Variants in ANKRD44 observed in about 807,000 individuals in gnomAD.
ANKRD44 encodes the protein ankyrin repeat domain 44, also known as serine/threonine-protein phosphatase 6 regulatory ankyrin repeat subunit B.
ANKRD44 carries 35 observed loss-of-function variants against 116.0 expected under a neutral mutation model. The observed-to-expected ratio is 0.30, with a 90% CI of 0.23 to 0.40. The LOEUF (loss-of-function observed/expected upper bound fraction) is 0.40, where lower values mean the gene tolerates loss of function less well. Among genes scored for constraint, ANKRD44 ranks in the 10% least tolerant of loss-of-function variants. ANKRD44 has a pLI of 1.00. For missense variants in ANKRD44, 1,014 were observed against 1,242.6 expected (o/e 0.82, Z 2.77); for synonymous variants, 435 against 461.8 (o/e 0.94, Z 0.74).
chr2:197,180,252 C>A (rs11901912), intron 2 of ANKRD44, among the ~76,000 whole-genome samples: 9,784 of 152,260 alleles, frequency 0.064, 1,053 homozygotes, highest in African/African-American at 0.22. Context: ...AAAACGGTGA[C>A]CTGCAGGCCG....
At chr2:197,106,865 A>C (rs1446432436) in intron 9 of ANKRD44, among the ~76,000 whole-genome samples, 1 of 149,512 alleles carries the variant, frequency 6.7e-6, no homozygotes, top group African/African-American at 2.5e-5. Context: ...CAGACTCTCT[A>C]TTTGTTATCT....
chr2:197,086,034 A>G (rs1055845861), intron 13 of ANKRD44, among the ~76,000 whole-genome samples: 1 of 152,134 alleles, frequency 6.6e-6, no homozygotes, highest in African/African-American at 2.4e-5. Flanking sequence ...TGTCACTGAC[A>G]TGAATCTGAA....
In ANKRD44 at chr2:197,013,699, T is replaced by C; in HGVS notation, c.1736A>G (p.His579Arg). 6.2e-7 allele frequency: 1 copy of C among 1,612,978 alleles called. No individual in the cohort carries two copies. Among genetic ancestry groups the C allele is most frequent in the Non-Finnish European group, 8.5e-7 (1 of 1,180,034 alleles). The change falls in exon 18 of 28, where the codon CAC becomes CGC. Residue 579 changes from histidine to arginine, a missense_variant. Coordinates refer to ENST00000282272, the MANE Select transcript of ANKRD44 (RefSeq NM_001195144.2). ...CAGAAGGACTTCCAAGGCTTGATGG[T>C]GCCCATTGTAGGCCTGCAAAGAAGA... Reference protein sequence around the residue: ...SPLHLAAYNGHHQALEVLLQS... With the variant: ...SPLHLAAYNGRHQALEVLLQS...
chr2:197,172,992 T>A lies in ANKRD44; in HGVS notation c.111+14031A>T, dbSNP rs1025045447. 7.9e-5 allele frequency among the ~76,000 whole-genome samples: 12 copies of A among 152,354 alleles called. No individual in the cohort carries two copies. The East Asian group carries it at 2.3e-3, about 29-fold the overall frequency. On this transcript the variant is annotated intron_variant, in intron 2 of 27. Transcript: ENST00000282272. ...AGGTTAAATAGATAATTTAGCTGTC[T>A]GCCCTATATGTTTTAAAATTGTTTT...
chr2:197,055,461 T>G (rs1007182623), intron 16 of ANKRD44, among the ~76,000 whole-genome samples: 5 of 152,192 alleles, frequency 3.3e-5, no homozygotes, highest in African/African-American at 1.2e-4. Context: ...TAGAGTCCAA[T>G]ATATCCAGTT....
At chr2:197,083,273 CTT>C in intron 14 of ANKRD44, 94 bp downstream of exon 14, 2 of 1,462,162 alleles carry the variant, frequency 1.4e-6, no homozygotes, top group East Asian at 2.4e-5. Flanking sequence ...TAGTCTAACT[CTT>C]TTTCCATGAG....
chr2:197,090,147 C>T, intron 10 of ANKRD44, 115 bp from the exon 11 acceptor site: 1 of 725,226 alleles, frequency 1.4e-6, no homozygotes, highest in East Asian at 2.7e-5. Context: ...TGTAGGGAGT[C>T]TTGGCTGAAA....
intron 2 of ANKRD44, among the ~76,000 whole-genome samples, chr2:197,152,480 A>G (rs1489247431): frequency 1.3e-5 from 2 of 152,236 alleles, no homozygotes; most frequent in Non-Finnish European, 2.9e-5. Context: ...AGGTTCCTCC[A>G]GAAGGAAGGA....
intron 1 of ANKRD44, among the ~76,000 whole-genome samples, chr2:197,224,351 T>C (rs2081652579): frequency 6.6e-6 from 1 of 152,214 alleles, no homozygotes; most frequent in Middle Eastern, 3.2e-3. Flanking sequence ...ATTTTAATGA[T>C]ACAGCATTTA....
chr2:197,058,403 T>C (rs2077244968), intron 16 of ANKRD44, among the ~76,000 whole-genome samples: 1 of 151,624 alleles, frequency 6.6e-6, no homozygotes. Flanking sequence ...GAATCTTTTT[T>C]TTTTTTTTTT....
chr2:197,241,762 T>C (rs902030375), intron 1 of ANKRD44, among the ~76,000 whole-genome samples: 14 of 152,104 alleles, frequency 9.2e-5, no homozygotes, highest in Non-Finnish European at 1.0e-4. Flanking sequence ...CAGGTTTTGA[T>C]AGTAACATGA....
At chr2:197,158,488 G>A (rs1211153496) in intron 2 of ANKRD44, among the ~76,000 whole-genome samples, 2 of 152,108 alleles carry the variant, frequency 1.3e-5, no homozygotes, top group Non-Finnish European at 2.9e-5. Flanking sequence ...ATAGATTAAT[G>A]AGAGGCAGAT....
chr2:197,290,420 C>T (rs191520271), intron 1 of ANKRD44, among the ~76,000 whole-genome samples: 35 of 152,178 alleles, frequency 2.3e-4, no homozygotes, highest in Middle Eastern at 3.4e-3. Flanking sequence ...TGTCTATTCA[C>T]TTCTTGATGG....
intron 2 of ANKRD44, among the ~76,000 whole-genome samples, chr2:197,163,600 G>T (rs2080023228): frequency 6.6e-6 from 1 of 152,230 alleles, no homozygotes; most frequent in South Asian, 2.1e-4. Flanking sequence ...ATGGAAAGTG[G>T]AAGAAGTGGG....
chr2:197,259,670 G>GTGC (rs1383775266), intron 1 of ANKRD44, among the ~76,000 whole-genome samples: 2 of 152,140 alleles, frequency 1.3e-5, no homozygotes, highest in Admixed American at 1.3e-4. Flanking sequence ...AGACTCCAAC[G>GTGC]TGCCAGGTGC....
At position 196,988,980 on chromosome 2, in the gene ANKRD44, A is replaced by G; in HGVS notation, c.*611T>C. Reference sequence around the variant, plus strand: ...CAGACTGCAATGTCTTCTAAGCTCTAAGCTGGCTACAGACTGTGGCTGAGC... The same window carrying G: ...CAGACTGCAATGTCTTCTAAGCTCTGAGCTGGCTACAGACTGTGGCTGAGC... On this transcript the variant is annotated 3_prime_UTR_variant, in exon 28 of 28. Coordinates refer to ENST00000282272, the MANE Select transcript of ANKRD44 (RefSeq NM_001195144.2). 1.0e-6 allele frequency: 1 copy of G among 985,466 alleles called. No homozygotes were observed. Among genetic ancestry groups the G allele is most frequent in the East Asian group, 1.1e-4 (1 of 8,816 alleles). 61.0% of individuals were successfully genotyped at this position (985,466 alleles called of 1,614,324 possible). A position where few individuals can be genotyped will look rare whatever the true frequency, so the allele number is the denominator to read the frequency against.
intron 3 of ANKRD44, among the ~76,000 whole-genome samples, chr2:197,139,631 A>G (rs1361458546): frequency 1.3e-5 from 2 of 151,472 alleles, no homozygotes; most frequent in Admixed American, 1.3e-4. Flanking sequence ...AAATATATAG[A>G]TATAGATATA....
chr2:197,025,291 T>C (rs1354519800), intron 16 of ANKRD44, 24 bp from the exon 17 acceptor site: 1 of 1,596,874 alleles, frequency 6.3e-7, no homozygotes, highest in Non-Finnish European at 8.6e-7. Context: ...AAGCAAACAA[T>C]AGTACGTGAG....
rs1161320664 is a variant in ANKRD44, at chr2:197,068,128, G to A, written c.1650+10575C>T. The stretch of plus-strand genomic sequence containing the variant: ...TCGCAAGAACAAAAAACCAAACACC[G>A]CATATTCTCACTCATAGGTGGGAAT... On this transcript the variant is annotated intron_variant, in intron 16 of 27. Coordinates refer to ENST00000282272, the MANE Select transcript of ANKRD44 (RefSeq NM_001195144.2). Among the ~76,000 whole-genome samples the A allele has an allele frequency of 7.8e-5, 9 of 115,502 alleles. No homozygotes were observed. In the South Asian group the frequency reaches 1.6e-3, roughly 20 times the overall value. The allele number at this position is 115,502 out of a possible 152,430, so 75.8% of individuals were successfully genotyped here. A position where few individuals can be genotyped will look rare whatever the true frequency, so the allele number is the denominator to read the frequency against.
Sources: gnomAD v4.1 joint callset for allele counts (sites outside exome capture counted in the v4.1 genomes callset) on GRCh38, gnomAD v4.1.1 for gene constraint, MANE v1.5 for transcripts, NCBI Gene and HGNC (gene_info 2026-07-23, HGNC 2026-07-21) for gene names.